Variants in AKAP13 observed in about 807,000 individuals in gnomAD.
AKAP13 encodes A-kinase anchor protein 13.
In AKAP13, 80 loss-of-function variants were observed where a neutral mutation model predicts 264.5. That is an observed-to-expected ratio of 0.30 (90% confidence interval 0.25 to 0.36). The LOEUF is 0.36. Ranked by LOEUF, AKAP13 falls within the 10% of genes least tolerant of loss-of-function variation. AKAP13 has a pLI of 1.00. For synonymous variants in AKAP13, 1,380 were observed against 1,250.2 expected (o/e 1.10, Z -2.19); for missense variants, 3,712 against 3,435.2 (o/e 1.08, Z -2.01).
chr15:85,623,162 C>T (rs1333941265), intron 8 of AKAP13, among the ~76,000 whole-genome samples: 1 of 152,172 alleles, frequency 6.6e-6, no homozygotes, highest in Non-Finnish European at 1.5e-5. Flanking sequence ...CCGTCATGTG[C>T]ACTTTCTCCA....
intron 5 of AKAP13, among the ~76,000 whole-genome samples, chr15:85,546,693 T>C (rs2151220892): frequency 6.6e-6 from 1 of 152,292 alleles, no homozygotes; most frequent in Admixed American, 6.5e-5. Flanking sequence ...ACGAAGGGGT[T>C]TGTAGAAAGT....
At chr15:85,634,048 T>C (rs1004150693) in intron 8 of AKAP13, among the ~76,000 whole-genome samples, 7 of 152,218 alleles carry the variant, frequency 4.6e-5, no homozygotes, top group African/African-American at 1.7e-4. Context: ...ATTTTTGGCA[T>C]CATTTTGTAA....
intron 2 of AKAP13, among the ~76,000 whole-genome samples, chr15:85,504,868 G>T (rs2076161367): frequency 1.3e-5 from 2 of 150,946 alleles, no homozygotes; most frequent in African/African-American, 2.4e-5. Context: ...GCTCTTTCTC[G>T]CTCTCTCTCT....
intron 2 of AKAP13, among the ~76,000 whole-genome samples, chr15:85,512,036 A>T (rs1251631697): frequency 1.3e-5 from 2 of 151,456 alleles, no homozygotes; most frequent in Admixed American, 1.3e-4. Context: ...TATATACCAC[A>T]TAAGACTGTC....
intron 16 of AKAP13, among the ~76,000 whole-genome samples, chr15:85,689,558 C>T (rs1435938491): frequency 6.6e-6 from 1 of 152,202 alleles, no homozygotes; most frequent in East Asian, 1.9e-4. Flanking sequence ...AGTTGTTAAA[C>T]ATGGAAAAGT....
At chr15:85,742,141 G>C (rs2089063431) in intron 35 of AKAP13, among the ~76,000 whole-genome samples, 1 of 152,244 alleles carries the variant, frequency 6.6e-6, no homozygotes, top group Non-Finnish European at 1.5e-5. Context: ...GGCTGAAAAA[G>C]AGAATGGAAG....
Position 85,464,836 on chromosome 15 carries a change from A to C in AKAP13, c.-11-20874A>C, listed in dbSNP as rs371800959. ...CCCCGTCCCTTTTTCTTCTTTTACT[A>C]GTTCTTTAATTTCTAAGGATAGGTT... On this transcript the variant is annotated intron_variant, in intron 1 of 36. Coordinates refer to ENST00000394518, the MANE Select transcript of AKAP13 (RefSeq NM_007200.5). 2.8e-3 allele frequency among the ~76,000 whole-genome samples: 424 copies of C among 152,242 alleles called. 1 individual carries two copies. The highest frequency in any genetic ancestry group is 4.5e-3 in the Admixed American group (69 of 15,290).
intron 2 of AKAP13, among the ~76,000 whole-genome samples, chr15:85,486,074 A>G (rs1240362931): frequency 1.3e-5 from 2 of 152,212 alleles, no homozygotes; most frequent in Non-Finnish European, 2.9e-5. Context: ...GCATTCCTGT[A>G]AAAGTAGTGT....
chr15:85,747,858 T>TTG lies in AKAP13; in HGVS notation c.*3181_*3182insTG, dbSNP rs1567231412. 2 of 153,352 alleles carry TTG rather than the reference T, an allele frequency of 1.3e-5. No homozygotes were observed. Among genetic ancestry groups the TTG allele is most frequent in the African/African-American group, 4.8e-5 (2 of 41,442 alleles). The allele number at this position is 153,352 out of a possible 1,614,324, so 9.5% of individuals were successfully genotyped here. On this transcript the variant is annotated 3_prime_UTR_variant, in exon 37 of 37. Transcript: ENST00000394518. ...CTTCTGTGTCTCAGGGTAATACTAT[T>TTG]CAGAGTCGCCCCTTTGCTCATTTTC...
At chr15:85,484,609 T>C (rs574269933) in intron 1 of AKAP13, among the ~76,000 whole-genome samples, 34 of 152,328 alleles carry the variant, frequency 2.2e-4, no homozygotes, top group Non-Finnish European at 4.1e-4. Flanking sequence ...TAGATTTTTT[T>C]CCCTCTAAGT....
intron 8 of AKAP13, among the ~76,000 whole-genome samples, chr15:85,597,264 C>T (rs2079859509): frequency 6.6e-6 from 1 of 152,076 alleles, no homozygotes; most frequent in African/African-American, 2.4e-5. Context: ...CTGGAGTCCC[C>T]AAAGAGCTAG....
At chr15:85,715,293 G>T (rs562199099) in intron 19 of AKAP13, among the ~76,000 whole-genome samples, 1 of 152,160 alleles carries the variant, frequency 6.6e-6, no homozygotes, top group African/African-American at 2.4e-5. Context: ...GTATTCTGCT[G>T]TGTGGTGTAG....
intron 8 of AKAP13, among the ~76,000 whole-genome samples, chr15:85,604,259 A>G (rs2080217791): frequency 6.6e-6 from 1 of 152,166 alleles, no homozygotes; most frequent in Admixed American, 6.5e-5. Flanking sequence ...AAGTTTTGTA[A>G]GTTGAGGTTG....
chr15:85,702,344 T>C (rs2085975519), intron 17 of AKAP13: 1 of 152,230 alleles, frequency 6.6e-6, no homozygotes. Flanking sequence ...AGTAATGGGC[T>C]GATTATCTTC....
chr15:85,546,845 G>C (rs2077766032), intron 5 of AKAP13, among the ~76,000 whole-genome samples: 1 of 151,736 alleles, frequency 6.6e-6, no homozygotes, highest in African/African-American at 2.4e-5. Context: ...CCAGGCTCAA[G>C]CAATTCTTCT....
chr15:85,580,138 C>T lies in AKAP13; in HGVS notation c.2070C>T (p.Ser690=), dbSNP rs369470013. The T allele has an allele frequency of 5.7e-5, 92 of 1,613,992 alleles. No homozygotes were observed. In the Admixed American group the frequency reaches 7.3e-4, roughly 13 times the overall value. The change falls in exon 7 of 37, where the codon TCC becomes TCT. Residue 690 remains serine (S), a synonymous_variant. Transcript: ENST00000394518. ...TGTGTGATAACATAGTTAGCGAGTCCGAAAGCACCACAGCAAGGCAACCCA... is the reference window on the plus strand; with the variant it reads ...TGTGTGATAACATAGTTAGCGAGTCTGAAAGCACCACAGCAAGGCAACCCA... ...AKLCDNIVSE[S]ESTTARQPSS...
Position 85,711,258 on chromosome 15 carries a change from C to T in AKAP13, c.5599+613C>T, listed in dbSNP as rs140405190. 9.3e-4 allele frequency among the ~76,000 whole-genome samples: 141 copies of T among 152,160 alleles called. 2 individuals carry two copies. In the East Asian group the frequency reaches 0.018, roughly 20 times the overall value. ...ATTTCTAAGGACCTCAAATGTTATT[C>T]AGAATTGAGTAAATCACACTCTTCC... On this transcript the variant is annotated intron_variant, in intron 19 of 36. Transcript: ENST00000394518.
Position 85,514,190 on chromosome 15 carries a change from G to A in AKAP13, c.34-7238G>A, listed in dbSNP as rs184926418. On this transcript the variant is annotated intron_variant, in intron 2 of 36. Transcript: ENST00000394518. ...GCGCAGTGATAATTTTACTATTCCA[G>A]CAATCTCCCCTCTTTAAGCAGTCAG... Among the ~76,000 whole-genome samples, 6 of 137,034 alleles carry A rather than the reference G, an allele frequency of 4.4e-5. No homozygotes were observed. The East Asian group carries it at 1.2e-3, about 28-fold the overall frequency. 89.9% of individuals were successfully genotyped at this position (137,034 alleles called of 152,430 possible). A position where few individuals can be genotyped will look rare whatever the true frequency, so the allele number is the denominator to read the frequency against.
intron 8 of AKAP13, among the ~76,000 whole-genome samples, chr15:85,587,230 T>C (rs889008534): frequency 6.6e-6 from 1 of 152,202 alleles, no homozygotes; most frequent in African/African-American, 2.4e-5. Context: ...AGAGATTTGC[T>C]GTGAGAGTGT....
Sources: allele counts gnomAD v4.1 joint callset (sites outside exome capture counted in the v4.1 genomes callset), GRCh38; gene constraint gnomAD v4.1.1; transcripts MANE v1.5; gene names NCBI Gene and HGNC (gene_info 2026-07-23, HGNC 2026-07-21).